XYLB: variants seen among roughly 807,000 people sequenced by gnomAD.
XYLB encodes the protein xylulose kinase.
A neutral mutation model predicts 78.7 loss-of-function variants in XYLB; 62 were observed. That is an observed-to-expected ratio of 0.79 (90% confidence interval 0.64 to 0.97). The LOEUF is 0.97. Among genes scored for constraint, XYLB ranks in the 50% least tolerant of loss-of-function variants. The pLI, the probability that XYLB is intolerant of heterozygous loss-of-function variation, is 0.00. For synonymous variants in XYLB, 245 were observed against 247.4 expected (o/e 0.99, Z 0.09); for missense variants, 687 against 676.8 (o/e 1.02, Z -0.17).
intron 15 of XYLB, among the ~76,000 whole-genome samples, chr3:38,394,521 GTTATC>G (rs1030570654): frequency 4.6e-5 from 7 of 151,784 alleles, no homozygotes; most frequent in East Asian, 1.9e-4. Context: ...AGTTGTTTTT[GTTATC>G]TTATGGCATT....
In XYLB at chr3:38,413,116, C is replaced by G; in HGVS notation, c.*103C>G. 2 of 1,154,264 alleles carry G rather than the reference C, an allele frequency of 1.7e-6. No homozygotes were observed. The highest frequency in any genetic ancestry group is 2.4e-6 in the Non-Finnish European group (2 of 836,470). The allele number at this position is 1,154,264 out of a possible 1,614,324, so 71.5% of individuals were successfully genotyped here. On this transcript the variant is annotated 3_prime_UTR_variant, in exon 19 of 19. Coordinates refer to ENST00000207870, the MANE Select transcript of XYLB (RefSeq NM_005108.4). Reference sequence around the variant, plus strand: ...ACTTCTCTGTTCTGAACAGCTCTTCCTGCCCCTACTGACTCCTTGGAGTGT... The same window carrying G: ...ACTTCTCTGTTCTGAACAGCTCTTCGTGCCCCTACTGACTCCTTGGAGTGT...
At chr3:38,410,422 A>G (rs1042855096) in intron 18 of XYLB, among the ~76,000 whole-genome samples, 5 of 152,212 alleles carry the variant, frequency 3.3e-5, no homozygotes, top group Non-Finnish European at 7.3e-5. Context: ...ACCTAAAACC[A>G]TAAAAACCCT....
At chr3:38,419,201 G>T (rs947757226), downstream of XYLB, among the ~76,000 whole-genome samples, 1 of 152,038 alleles carries the variant, frequency 6.6e-6, no homozygotes, top group Non-Finnish European at 1.5e-5. Flanking sequence ...TTTTGCATGT[G>T]TAAAATAGTT....
intron 4 of XYLB, among the ~76,000 whole-genome samples, chr3:38,364,541 C>T (rs949907208): frequency 2.2e-5 from 3 of 138,176 alleles, no homozygotes; most frequent in African/African-American, 5.2e-5. Flanking sequence ...GACCCAGCCT[C>T]AGGCCCACTG....
downstream of XYLB, among the ~76,000 whole-genome samples, chr3:38,423,420 A>C (rs900969794): frequency 6.6e-6 from 1 of 152,188 alleles, no homozygotes; most frequent in Non-Finnish European, 1.5e-5. Flanking sequence ...ATGTTGACAG[A>C]TCTTAGAGCC....
At chr3:38,374,616 T>A in intron 11 of XYLB, 114 bp downstream of exon 11, 2 of 1,358,888 alleles carry the variant, frequency 1.5e-6, no homozygotes, top group Non-Finnish European at 2.1e-6. Context: ...AGGGTCTGGG[T>A]CCCAGCAGGA....
the XYLB span, among the ~76,000 whole-genome samples, chr3:38,443,157 C>A: frequency 6.6e-6 from 1 of 152,162 alleles, no homozygotes; most frequent in Non-Finnish European, 1.5e-5. Context: ...TTGAGGACAG[C>A]CGACCAGGGC....
chr3:38,441,373 T>G, the XYLB span, among the ~76,000 whole-genome samples: 5 of 152,244 alleles, frequency 3.3e-5, no homozygotes, highest in Non-Finnish European at 5.9e-5. Context: ...GTTACATCAC[T>G]AACTATGGCA....
At chr3:38,428,651 A>C in the XYLB span, among the ~76,000 whole-genome samples, 1 of 152,112 alleles carries the variant, frequency 6.6e-6, no homozygotes, top group Non-Finnish European at 1.5e-5. Context: ...TTAGATTAGT[A>C]TTTGCATGTT....
intron 15 of XYLB, among the ~76,000 whole-genome samples, chr3:38,392,480 A>C (rs544693200): frequency 6.6e-6 from 1 of 152,226 alleles, no homozygotes; most frequent in Non-Finnish European, 1.5e-5. Flanking sequence ...TATTTTTAGT[A>C]GAGATGGGAT....
chr3:38,435,493 G>A, the XYLB span, among the ~76,000 whole-genome samples: 1 of 152,296 alleles, frequency 6.6e-6, no homozygotes, highest in South Asian at 2.1e-4. Flanking sequence ...TACAATCATA[G>A]TGGGGGACTT....
chr3:38,380,364 C>G (rs1376472106), intron 15 of XYLB, among the ~76,000 whole-genome samples: 2 of 152,152 alleles, frequency 1.3e-5, no homozygotes, highest in Non-Finnish European at 2.9e-5. Context: ...GTTCCCCTTA[C>G]AGGTGGCGTT....
At chr3:38,442,732 T>A in the XYLB span, among the ~76,000 whole-genome samples, 1 of 150,202 alleles carries the variant, frequency 6.7e-6, no homozygotes, top group Non-Finnish European at 1.5e-5. Flanking sequence ...TTTTTTTTTT[T>A]TTTTTTTTTT....
chr3:38,442,734 T>A, the XYLB span, among the ~76,000 whole-genome samples: 1 of 150,400 alleles, frequency 6.6e-6, no homozygotes, highest in Admixed American at 6.6e-5. Context: ...TTTTTTTTTT[T>A]TTTTTTTTTT....
downstream of XYLB, among the ~76,000 whole-genome samples, chr3:38,417,821 A>G (rs2125689489): frequency 6.7e-6 from 1 of 150,294 alleles, no homozygotes; most frequent in East Asian, 2.0e-4. Flanking sequence ...TTGAGGTTGC[A>G]GCGAGCTGAG....
At chr3:38,393,103 A>T (rs188676482) in intron 15 of XYLB, among the ~76,000 whole-genome samples, 1 of 152,080 alleles carries the variant, frequency 6.6e-6, no homozygotes, top group Non-Finnish European at 1.5e-5. Context: ...TTTATCATTT[A>T]TCCAGTCCCT....
At chr3:38,398,028 C>G (rs1365003492) in intron 17 of XYLB, among the ~76,000 whole-genome samples, 1 of 151,350 alleles carries the variant, frequency 6.6e-6, no homozygotes, top group East Asian at 2.0e-4. Flanking sequence ...CTGTGTTAGC[C>G]AGGATGGTCT....
At chr3:38,359,530 G>A (rs1268730661) in intron 2 of XYLB, among the ~76,000 whole-genome samples, 1 of 152,218 alleles carries the variant, frequency 6.6e-6, no homozygotes. Flanking sequence ...GCGTCTTCTA[G>A]TCTGTTCCTA....
chr3:38,426,165 C>T (rs1353942726), downstream of XYLB, among the ~76,000 whole-genome samples: 1 of 152,182 alleles, frequency 6.6e-6, no homozygotes, highest in Non-Finnish European at 1.5e-5. Context: ...AAACAGCAGA[C>T]TATGTAAATA....
Sources: allele counts gnomAD v4.1 joint callset (sites outside exome capture counted in the v4.1 genomes callset), GRCh38; gene constraint gnomAD v4.1.1; transcripts MANE v1.5; gene names NCBI Gene and HGNC (gene_info 2026-07-23, HGNC 2026-07-21).